The following SCN1A variants were observed in gnomAD, a reference collection of about 807,000 sequenced individuals.
SCN1A encodes sodium voltage-gated channel alpha subunit 1.
Under a neutral mutation model 193.7 loss-of-function variants are expected in SCN1A, and 13 were observed. The ratio of observed to expected loss-of-function variants is 0.07; its 90% confidence interval spans 0.04 to 0.11. The LOEUF is 0.11. SCN1A is among the 10% of genes least tolerant of loss of function. The pLI is 1.00. For synonymous variants in SCN1A, 781 were observed against 843.6 expected (o/e 0.93, Z 1.29); for missense variants, 1,432 against 2,451.1 (o/e 0.58, Z 8.78).
chr2:166,083,050 T>G (rs1441554296), intron 2 of SCN1A, among the ~76,000 whole-genome samples: 1 of 152,046 alleles, frequency 6.6e-6, no homozygotes. Context: ...TAAAAATAAC[T>G]AGGTAAAATG....
chr2:166,050,503 A>C (rs931085703), intron 9 of SCN1A, among the ~76,000 whole-genome samples: 1 of 140,084 alleles, frequency 7.1e-6, no homozygotes, highest in African/African-American at 2.7e-5. Context: ...ACAAACAAAC[A>C]ACAGATTTCA....
chr2:165,994,678 CAAAA>C (rs972757075), intron 27 of SCN1A, among the ~76,000 whole-genome samples: 1 of 141,270 alleles, frequency 7.1e-6, no homozygotes, highest in East Asian at 2.2e-4. Flanking sequence ...AACAAACAAA[CAAAA>C]GAAACATTCA....
rs757688309 is a variant in SCN1A, at chr2:166,073,597, G to C, written c.25C>G (p.Pro9Ala). The change falls in exon 4 of 29, where the codon CCA (proline) becomes GCA (alanine). Residue 9 changes from proline to alanine, a missense_variant. This residue lies in a region of SCN1A where 55 missense variants were observed against 58.4 expected (regional missense o/e 0.94). Coordinates refer to ENST00000674923, the MANE Select transcript of SCN1A (RefSeq NM_001165963.4). MEQTVLVPPGPDSFNFFTR... is the reference protein window; with the variant it reads MEQTVLVPAGPDSFNFFTR... ...AAGAAGTTGAAGCTGTCAGGTCCTG[G>C]TGGTACAAGCACTGTTTGCTCCATC... 1.4e-5 allele frequency: 23 copies of C among 1,614,008 alleles called. No individual in the cohort carries two copies. Among genetic ancestry groups the C allele is most frequent in the Middle Eastern group, 1.6e-4 (1 of 6,084 alleles).
rs751089959 is a variant in SCN1A, at chr2:166,117,784, CAGG to C, written c.-142+9137_-142+9139del. ...GGCCAAGGCAGGCGGATCACGAGATCAGGAGTTCAGCCTGGCCAACATAGAAAA... is the reference window on the plus strand; with the variant it reads ...GGCCAAGGCAGGCGGATCACGAGATCAGTTCAGCCTGGCCAACATAGAAAA... On this transcript the variant is annotated intron_variant, in intron 2 of 28. Transcript: ENST00000674923. 4.6e-5 allele frequency among the ~76,000 whole-genome samples: 7 copies of C among 152,120 alleles called. No homozygotes were observed. In the East Asian group the frequency reaches 5.8e-4, roughly 13 times the overall value.
intron 2 of SCN1A, among the ~76,000 whole-genome samples, chr2:166,087,197 T>A (rs1574433580): frequency 6.8e-6 from 1 of 147,168 alleles, no homozygotes; most frequent in Admixed American, 6.8e-5. Context: ...CCTGGCACGG[T>A]GGCTCACACC....
intron 23 of SCN1A, among the ~76,000 whole-genome samples, chr2:166,005,511 G>C (rs887312880): frequency 6.6e-6 from 1 of 151,274 alleles, no homozygotes; most frequent in African/African-American, 2.4e-5. Flanking sequence ...TGCAAAGTTG[G>C]CATACATTTG....
chr2:166,072,598 T>C (rs983002365), intron 4 of SCN1A, among the ~76,000 whole-genome samples: 7 of 152,180 alleles, frequency 4.6e-5, no homozygotes, highest in Non-Finnish European at 8.8e-5. Flanking sequence ...TAACATGACA[T>C]TGAAATTGCA....
chr2:166,136,580 C>T (rs1379192018), intron 1 of SCN1A, among the ~76,000 whole-genome samples: 1 of 152,106 alleles, frequency 6.6e-6, no homozygotes, highest in African/African-American at 2.4e-5. Flanking sequence ...AACAGAGTTA[C>T]CCTTCCATGA....
chr2:166,107,463 T>TA (rs750375587), intron 2 of SCN1A, among the ~76,000 whole-genome samples: 19 of 151,484 alleles, frequency 1.3e-4, no homozygotes, highest in Non-Finnish European at 1.8e-4. Flanking sequence ...TCAACAGTTA[T>TA]AAAAAAAAAT....
chr2:166,048,665 C>T (rs576472901), intron 10 of SCN1A, among the ~76,000 whole-genome samples: 5 of 152,140 alleles, frequency 3.3e-5, no homozygotes, highest in African/African-American at 4.8e-5. Flanking sequence ...AATGAACATA[C>T]GTGTGCATGT....
intron 13 of SCN1A, 137 bp downstream of exon 13, chr2:166,044,906 A>G (rs995107571): frequency 2.4e-5 from 22 of 928,388 alleles, no homozygotes; most frequent in Non-Finnish European, 3.7e-5. Context: ...AACTATGTGA[A>G]GAAGGGATGG....
intron 20 of SCN1A, among the ~76,000 whole-genome samples, chr2:166,015,298 T>C (rs943750049): frequency 1.3e-5 from 2 of 151,904 alleles, no homozygotes; most frequent in African/African-American, 2.4e-5. Flanking sequence ...CTGTGTAGGA[T>C]CATTTTCAGT....
At position 166,046,995 on chromosome 2, in the gene SCN1A, G is replaced by T. The variant is rs929127955; in HGVS notation, c.1171-19C>A. On this transcript the variant is annotated intron_variant, in intron 11 of 28. Coordinates refer to ENST00000674923, the MANE Select transcript of SCN1A (RefSeq NM_001165963.4). ...GTAATGTCTGCAAACAAAAATATCA[G>T]AATTATTTCTCAATATTATTTCACT... The T allele has an allele frequency of 6.2e-7, 1 of 1,610,980 alleles. No homozygotes were observed. The highest frequency in any genetic ancestry group is 1.7e-5 in the Admixed American group (1 of 59,940).
At chr2:166,133,537 G>T (rs1960242) in intron 1 of SCN1A, among the ~76,000 whole-genome samples, 47,404 of 151,912 alleles carry the variant, frequency 0.31, 7,684 homozygotes, top group Admixed American at 0.4. Flanking sequence ...TTTATCACTT[G>T]ATGTAATAGC....
At chr2:166,128,428 C>A (rs986557759), upstream of SCN1A, among the ~76,000 whole-genome samples, 6 of 151,936 alleles carry the variant, frequency 3.9e-5, no homozygotes, top group Non-Finnish European at 7.4e-5. Flanking sequence ...TTTATTCCAC[C>A]AGGAAACAAT....
At chr2:166,071,907 A>C (rs561033256) in intron 4 of SCN1A, 1 of 151,754 alleles carries the variant, frequency 6.6e-6, no homozygotes, top group Non-Finnish European at 1.5e-5. Flanking sequence ...AAAAAAAAAA[A>C]GGGAAAATAT....
intron 8 of SCN1A, among the ~76,000 whole-genome samples, chr2:166,052,208 C>T (rs918574273): frequency 2.0e-5 from 3 of 151,854 alleles, no homozygotes; most frequent in Non-Finnish European, 2.9e-5. Context: ...CCCATTATGT[C>T]GAGATAGAGT....
At chr2:166,114,757 ATAT>A (rs1194334860) in intron 2 of SCN1A, among the ~76,000 whole-genome samples, 2 of 152,326 alleles carry the variant, frequency 1.3e-5, no homozygotes, top group East Asian at 1.9e-4. Flanking sequence ...GAAGCCATTA[ATAT>A]TATACTTTTG....
chr2:166,028,837 A>G (rs1224383233), intron 19 of SCN1A, among the ~76,000 whole-genome samples: 1 of 152,182 alleles, frequency 6.6e-6, no homozygotes, highest in Non-Finnish European at 1.5e-5. Flanking sequence ...TCGGTTCACA[A>G]TCAGATGGAG....
Sources: gnomAD v4.1 joint callset for allele counts (sites outside exome capture counted in the v4.1 genomes callset) on GRCh38, gnomAD v4.1.1 for gene constraint, gnomAD v4.1.1 regional missense constraint, MANE v1.5 for transcripts, NCBI Gene and HGNC (gene_info 2026-07-23, HGNC 2026-07-21) for gene names.